The following SATL1 variants were observed in gnomAD, a reference collection of about 807,000 sequenced individuals.
SATL1 encodes the protein spermidine/spermine N1-acetyl transferase like 1.
In SATL1, 47 loss-of-function variants were observed where a neutral mutation model predicts 51.8. That is an observed-to-expected ratio of 0.91 (90% CI 0.72 to 1.16). The LOEUF (loss-of-function observed/expected upper bound fraction) is 1.16. Among genes scored for constraint, SATL1 ranks in the 50% most tolerant of loss-of-function variants. The probability of loss-of-function intolerance (pLI) is 0.00; values close to 1 mark genes in which losing one functional copy is unlikely to be tolerated. For missense variants in SATL1, 520 were observed against 526.4 expected, an observed-to-expected ratio of 0.99 and a Z score of 0.12; for synonymous variants, 176 against 182.4, an observed-to-expected ratio of 0.97 and a Z score of 0.28.
chrX:85,191,295 G>T (rs1927432271), intron 2 of SATL1, among the ~76,000 whole-genome samples: 1 of 111,236 alleles, frequency 9.0e-6, no homozygotes, highest in African/African-American at 3.3e-5. Context: ...GATACATTTT[G>T]ATATTTTGAT....
rs761228844 is a variant in SATL1 at position 85,218,491 on chromosome X, C to A, written c.-313+5714G>T. Among the ~76,000 whole-genome samples, 6 of 111,316 alleles carry A rather than the reference C, an allele frequency of 5.4e-5. No homozygotes were observed. In the South Asian group the frequency reaches 1.9e-3, roughly 35 times the overall value. On this transcript the variant is annotated intron_variant, in intron 2 of 7. Transcript: ENST00000644105. ...TGGGGAAATTAAGTTTTAGCATGAA[C>A]CTCTATCATAAAACAATTCTATGCC...
intron 2 of SATL1, among the ~76,000 whole-genome samples, chrX:85,110,020 A>G (rs1925225291): frequency 8.9e-6 from 1 of 111,750 alleles, no homozygotes; most frequent in Admixed American, 9.5e-5. Flanking sequence ...CAAAAATAAT[A>G]GTAATTATAA....
At chrX:85,139,938 A>G (rs1276844298) in intron 2 of SATL1, among the ~76,000 whole-genome samples, 3 of 111,619 alleles carry the variant, frequency 2.7e-5, no homozygotes, top group Admixed American at 9.5e-5. Context: ...TGTAACTAGT[A>G]CCTAGATCAA....
chrX:85,100,425 A>G (rs1172914253), intron 4 of SATL1, among the ~76,000 whole-genome samples: 2 of 111,963 alleles, frequency 1.8e-5, no homozygotes, highest in Non-Finnish European at 3.8e-5. Flanking sequence ...AAATAAATTA[A>G]GAAAGCAGTA....
intron 2 of SATL1, among the ~76,000 whole-genome samples, chrX:85,221,767 T>C (rs1248412246): frequency 8.9e-6 from 1 of 112,390 alleles, no homozygotes; most frequent in Non-Finnish European, 1.9e-5. Context: ...TAGTCCAGAA[T>C]AGAAACAAGC....
chrX:85,133,425 G>A (rs1170041954), intron 2 of SATL1, among the ~76,000 whole-genome samples: 5 of 112,019 alleles, frequency 4.5e-5, no homozygotes, highest in Admixed American at 3.8e-4. Flanking sequence ...CTAGCAGTGA[G>A]CAAGGCTCCA....
At chrX:85,179,657 A>G (rs1377987505) in intron 2 of SATL1, among the ~76,000 whole-genome samples, 2 of 111,435 alleles carry the variant, frequency 1.8e-5, no homozygotes, top group Non-Finnish European at 3.8e-5. Context: ...ACTAACATAT[A>G]TTGAGCATCT....
chrX:85,184,344 T>C (rs1281894022), intron 2 of SATL1, among the ~76,000 whole-genome samples: 1 of 111,535 alleles, frequency 9.0e-6, no homozygotes, highest in Non-Finnish European at 1.9e-5. Context: ...TATGGTCTTC[T>C]TGTACTTGAA....
intron 2 of SATL1, among the ~76,000 whole-genome samples, chrX:85,218,866 TG>T (rs1180282257): frequency 1.8e-5 from 2 of 112,311 alleles, no homozygotes; most frequent in East Asian, 2.8e-4. Flanking sequence ...AATGGTTATT[TG>T]AAAGCAGCCA....
At chrX:85,131,785 A>T (rs947505380) in intron 2 of SATL1, among the ~76,000 whole-genome samples, 7 of 111,548 alleles carry the variant, frequency 6.3e-5, no homozygotes, top group African/African-American at 2.3e-4. Flanking sequence ...AGTGGCTGGT[A>T]CCAGTTGTTC....
At chrX:85,198,443 C>T (rs192161908) in intron 2 of SATL1, among the ~76,000 whole-genome samples, 1 of 111,729 alleles carries the variant, frequency 9.0e-6, no homozygotes, top group East Asian at 2.8e-4. Context: ...TTTACATTCC[C>T]ACTAACAGTG....
Position 85,108,050 on chromosome X carries a change from T to G in SATL1, c.919A>C (p.Asn307His), listed in dbSNP as rs956250000. ...CCAGGTTGGTTTATGTCTGGTAGGTTTGTACCTGATTGCCTCATGCCAGCT... is the reference window on the plus strand; with the variant it reads ...CCAGGTTGGTTTATGTCTGGTAGGTGTGTACCTGATTGCCTCATGCCAGCT... The part of the protein sequence containing the change: ...SQAGMRQSGT[N>H]LPDINQPGMK... Residue 307 changes from asparagine (N) to histidine (H), a missense_variant, in exon 3 of 8, where the codon AAC (asparagine) becomes CAC (histidine). Physicochemically the swap from Asn to His is moderately conservative, Grantham distance 68. This residue lies in a region of SATL1 where 488 missense variants were observed against 474.3 expected (regional missense o/e 1.03). Transcript: ENST00000644105. The G allele has an allele frequency of 2.5e-6, 3 of 1,209,708 alleles. No individual in the cohort carries two copies. In the African/African-American group the frequency reaches 5.3e-5, roughly 21 times the overall value.
intron 2 of SATL1, among the ~76,000 whole-genome samples, chrX:85,170,415 A>C (rs949733908): frequency 8.9e-6 from 1 of 111,937 alleles, no homozygotes; most frequent in African/African-American, 3.2e-5. Context: ...GATATATGGA[A>C]AATATTAGTT....
At chrX:85,138,423 A>G (rs958235152) in intron 2 of SATL1, among the ~76,000 whole-genome samples, 4 of 111,692 alleles carry the variant, frequency 3.6e-5, no homozygotes, top group African/African-American at 1.3e-4. Flanking sequence ...CTATTATTAT[A>G]CTGCAGCCCT....
chrX:85,159,340 A>G lies in SATL1; in HGVS notation c.-312-50060T>C, dbSNP rs181610388. On this transcript the variant is annotated intron_variant, in intron 2 of 7. Coordinates refer to ENST00000644105, the MANE Select transcript of SATL1 (RefSeq NM_001367857.2). The stretch of plus-strand genomic sequence containing the variant: ...ATGGACCCATACTGAGGGGGCATTA[A>G]CACCTAAGTTCCGCCTCCTCTCAGA... Among the ~76,000 whole-genome samples the G allele has an allele frequency of 5.6e-3, 623 of 111,934 alleles. 3 individuals are homozygous for G. Among genetic ancestry groups the G allele is most frequent in the Middle Eastern group, 0.023 (5 of 216 alleles).
rs777426142 is a variant in SATL1 at position 85,108,640 on chromosome X, G to A, written c.329C>T (p.Ser110Leu). 5.0e-6 allele frequency: 6 copies of A among 1,199,194 alleles called. No homozygotes were observed. The highest frequency in any genetic ancestry group is 3.0e-5 in the East Asian group (1 of 33,338). The change falls in exon 3 of 8, where the codon TCG becomes TTG. Residue 110 changes from serine to leucine, a missense_variant. Around this residue, in one of 3 missense-constraint regions of SATL1, gnomAD observed 488 missense variants for 474.3 expected, o/e 1.03. Coordinates refer to ENST00000644105, the MANE Select transcript of SATL1 (RefSeq NM_001367857.2). ...GCCTGATTGGCTTGGGCCTGGTTGC[G>A]ATGGGTCTGGTTGGCTTATGCCTGC... ...SKAGISQPDP[S>L]QPGPSQSGPS...
At chrX:85,102,449 T>A (rs1196054921) in intron 4 of SATL1, among the ~76,000 whole-genome samples, 1 of 111,947 alleles carries the variant, frequency 8.9e-6, no homozygotes, top group Admixed American at 9.6e-5. Flanking sequence ...GTTAAAATGA[T>A]ATGTGTATTT....
chrX:85,147,278 G>A (rs988121060), intron 2 of SATL1, among the ~76,000 whole-genome samples: 48 of 108,356 alleles, frequency 4.4e-4, no homozygotes, highest in African/African-American at 7.6e-4. Flanking sequence ...AGGGGTGCCC[G>A]CCATTGCCCA....
intron 2 of SATL1, among the ~76,000 whole-genome samples, chrX:85,174,234 A>G (rs923774792): frequency 9.0e-6 from 1 of 110,531 alleles, no homozygotes; most frequent in African/African-American, 3.3e-5. Flanking sequence ...CAATAAACAT[A>G]CGTGTGCATG....
Sources: gnomAD v4.1 joint callset for allele counts (sites outside exome capture counted in the v4.1 genomes callset) on GRCh38, gnomAD v4.1.1 for gene constraint, gnomAD v4.1.1 regional missense constraint, MANE v1.5 for transcripts, NCBI Gene and HGNC (gene_info 2026-07-23, HGNC 2026-07-21) for gene names.